ZC3H7A: variants seen among roughly 807,000 people sequenced by gnomAD.
The protein encoded by ZC3H7A is zinc finger CCCH-type containing 7A.
Under a neutral mutation model 125.5 loss-of-function variants are expected in ZC3H7A, and 44 were observed. The ratio of observed to expected loss-of-function variants is 0.35; its 90% CI spans 0.28 to 0.45. ZC3H7A has a LOEUF of 0.45. Ranked by LOEUF, ZC3H7A falls within the 20% of genes least tolerant of loss-of-function variation. ZC3H7A has a pLI of 1.00. For missense variants in ZC3H7A, 977 were observed against 1,170.7 expected, an observed-to-expected ratio of 0.83 and a Z score of 2.41; for synonymous variants, 399 against 391.2, an observed-to-expected ratio of 1.02 and a Z score of -0.23.
intron 7 of ZC3H7A, among the ~76,000 whole-genome samples, chr16:11,776,023 T>C (rs2053074162): frequency 6.6e-6 from 1 of 152,024 alleles, no homozygotes; most frequent in Non-Finnish European, 1.5e-5. Context: ...TAACAGGCCA[T>C]GGTGGTGTGT....
intron 9 of ZC3H7A, among the ~76,000 whole-genome samples, chr16:11,773,129 G>C (rs1231675480): frequency 6.6e-6 from 1 of 152,004 alleles, no homozygotes; most frequent in African/African-American, 2.4e-5. Flanking sequence ...AGTCACTGAT[G>C]TGTTCCAGTA....
chr16:11,775,361 ACT>A (rs2053061748), intron 7 of ZC3H7A, among the ~76,000 whole-genome samples: 1 of 149,376 alleles, frequency 6.7e-6, no homozygotes, highest in South Asian at 2.1e-4. Flanking sequence ...ACAGAGCGAG[ACT>A]CTGTCTTGGA....
rs371232408 is a variant in ZC3H7A at position 11,762,785 on chromosome 16, T to C, written c.2003-38A>G. The C allele has an allele frequency of 3.7e-6, 6 of 1,603,648 alleles. No individual in the cohort carries two copies. The East Asian group carries it at 1.1e-4, about 30-fold the overall frequency. On this transcript the variant is annotated intron_variant, in intron 16 of 22. Transcript: ENST00000355758. ...CAAGCCTTCCTTTAAATTATATCTATAAGAACAACAGCCCACCAATCTGGG... is the reference window on the plus strand; with the variant it reads ...CAAGCCTTCCTTTAAATTATATCTACAAGAACAACAGCCCACCAATCTGGG...
Position 11,768,324 on chromosome 16 carries a change from C to T in ZC3H7A, c.1351G>A (p.Val451Ile). The T allele has an allele frequency of 6.5e-7, 1 of 1,537,858 alleles. No homozygotes were observed. Among genetic ancestry groups the T allele is most frequent in the Non-Finnish European group, 8.8e-7 (1 of 1,133,712 alleles). ...TTTGTTTGGTCCTGACCTGATTTTA[C>T]AAAACAGATCTGGCAAGCTTGTCTC... ...ELRQACQICFVKSGPKLMDFT... is the reference protein window; with the variant it reads ...ELRQACQICFIKSGPKLMDFT... The change falls in exon 12 of 23, where the codon GTA (valine) becomes ATA (isoleucine). Residue 451 changes from valine (V) to isoleucine (I), a missense_variant. This residue lies in a region of ZC3H7A where 342 missense variants were observed against 311.3 expected (regional missense o/e 1.10). Coordinates refer to ENST00000355758, the MANE Select transcript of ZC3H7A (RefSeq NM_014153.4).
Position 11,792,913 on chromosome 16 carries a change from G to A in ZC3H7A, c.-35+4211C>T, listed in dbSNP as rs901214086. 7.9e-5 allele frequency among the ~76,000 whole-genome samples: 12 copies of A among 152,172 alleles called. 2 individuals carry two copies. The highest frequency in any genetic ancestry group is 7.2e-4 in the Admixed American group (11 of 15,276). On this transcript the variant is annotated intron_variant, in intron 1 of 22. Coordinates refer to ENST00000355758, the MANE Select transcript of ZC3H7A (RefSeq NM_014153.4). ...AGGTGGGCACTTTAAAGCCATTCAGGAGAAATGAAAGAAACACACGCATGC... is the reference window on the plus strand; with the variant it reads ...AGGTGGGCACTTTAAAGCCATTCAGAAGAAATGAAAGAAACACACGCATGC...
chr16:11,766,419 G>C (rs961538036), intron 13 of ZC3H7A, among the ~76,000 whole-genome samples: 5 of 152,122 alleles, frequency 3.3e-5, no homozygotes, highest in African/African-American at 1.2e-4. Context: ...ACAAAAATCA[G>C]TGAGGCAGGG....
At chr16:11,778,648 A>C (rs12102282) in intron 4 of ZC3H7A, among the ~76,000 whole-genome samples, 34,372 of 151,964 alleles carry the variant, frequency 0.23, 4,323 homozygotes, top group East Asian at 0.48. Flanking sequence ...ATCAAGGACC[A>C]ATAACTAAGA....
chr16:11,769,003 T>C, intron 11 of ZC3H7A, 28 bp downstream of exon 11: 1 of 1,579,396 alleles, frequency 6.3e-7, no homozygotes, highest in Non-Finnish European at 8.6e-7. Flanking sequence ...TCAAGCGATG[T>C]ATTTACAAAA....
At chr16:11,774,578 T>C in intron 8 of ZC3H7A, 59 bp from the exon 9 acceptor site, 1 of 1,446,298 alleles carries the variant, frequency 6.9e-7, no homozygotes, top group Non-Finnish European at 9.2e-7. Context: ...AATAATACCA[T>C]TAATCCCCAA....
At chr16:11,792,187 C>T (rs1182430030) in intron 1 of ZC3H7A, among the ~76,000 whole-genome samples, 2 of 152,176 alleles carry the variant, frequency 1.3e-5, no homozygotes, top group Non-Finnish European at 2.9e-5. Flanking sequence ...GGATTACAGG[C>T]GTGACCTGTG....
intron 9 of ZC3H7A, among the ~76,000 whole-genome samples, chr16:11,772,396 G>C (rs1369734853): frequency 6.6e-6 from 1 of 151,648 alleles, no homozygotes; most frequent in African/African-American, 2.4e-5. Flanking sequence ...CTCACTGAGA[G>C]CTTCCACGCA....
intron 19 of ZC3H7A, chr16:11,758,766 G>A (rs2052694331): frequency 1.1e-5 from 5 of 460,652 alleles, no homozygotes; most frequent in Non-Finnish European, 1.9e-5. Flanking sequence ...CCAAAACAGA[G>A]TAAAGCATGG....
At chr16:11,756,785 C>A (rs753726364) in intron 20 of ZC3H7A, among the ~76,000 whole-genome samples, 35 of 152,150 alleles carry the variant, frequency 2.3e-4, no homozygotes, top group Non-Finnish European at 4.4e-4. Flanking sequence ...CTGATACACT[C>A]CTCACTGCTT....
chr16:11,772,928 TGATCTGCCTGCCTCAGCCTCCCAAA>T (rs947593631), intron 9 of ZC3H7A, among the ~76,000 whole-genome samples: 3 of 151,650 alleles, frequency 2.0e-5, no homozygotes, highest in African/African-American at 7.3e-5. Context: ...GAACTCCTGG[TGATCTGCCTGCCTCAGCCTCCCAAA>T]GTGCTGTGAT....
chr16:11,774,140 C>T lies in ZC3H7A; in HGVS notation c.903+96G>A, dbSNP rs576350253. On this transcript the variant is annotated intron_variant, in intron 9 of 22. Transcript: ENST00000355758. ...GGTTAAAAAAACCCCCAAATTCAGC[C>T]TATATGCAATACTGAAAAAGTCTAT... 1.3e-3 allele frequency: 1,507 copies of T among 1,193,274 alleles called. 3 individuals are homozygous for T. Among genetic ancestry groups the T allele is most frequent in the Non-Finnish European group, 1.6e-3 (1,419 of 911,128 alleles). 73.9% of individuals were successfully genotyped at this position (1,193,274 alleles called of 1,614,324 possible). A position where few individuals can be genotyped will look rare whatever the true frequency, so the allele number is the denominator to read the frequency against.
intron 1 of ZC3H7A, among the ~76,000 whole-genome samples, chr16:11,792,285 T>G (rs972635412): frequency 2.0e-5 from 3 of 152,220 alleles, no homozygotes; most frequent in African/African-American, 7.2e-5. Context: ...ACTGAACTCT[T>G]ACAAACTGGA....
At chr16:11,764,287 T>G (rs370395746) in intron 15 of ZC3H7A, among the ~76,000 whole-genome samples, 1 of 151,622 alleles carries the variant, frequency 6.6e-6, no homozygotes, top group East Asian at 1.9e-4. Context: ...GATGGCTCAC[T>G]CCTATAATCC....
At chr16:11,753,488 C>T (rs1327658031) in intron 21 of ZC3H7A, among the ~76,000 whole-genome samples, 9 of 152,056 alleles carry the variant, frequency 5.9e-5, no homozygotes, top group Admixed American at 5.2e-4. Context: ...GTCATCCAGG[C>T]TAGAGTATGG....
intron 9 of ZC3H7A, among the ~76,000 whole-genome samples, chr16:11,773,033 C>G (rs1398315305): frequency 6.6e-6 from 1 of 151,822 alleles, no homozygotes; most frequent in African/African-American, 2.4e-5. Flanking sequence ...GTATTTTAGG[C>G]TCTGTAGGCC....
Sources: allele counts gnomAD v4.1 joint callset (sites outside exome capture counted in the v4.1 genomes callset), GRCh38; gene constraint gnomAD v4.1.1; regional missense constraint gnomAD v4.1.1; transcripts MANE v1.5; gene names NCBI Gene and HGNC (gene_info 2026-07-23, HGNC 2026-07-21).